Variants in CBLB observed in about 807,000 individuals in gnomAD.
CBLB encodes the protein Cbl proto-oncogene B.
A neutral mutation model predicts 104.9 loss-of-function variants in CBLB; 31 were observed. The observed-to-expected ratio is 0.30, with a 90% CI of 0.22 to 0.40. The LOEUF (loss-of-function observed/expected upper bound fraction) is 0.40, where lower values mean the gene tolerates loss of function less well. Among genes scored for constraint, CBLB ranks in the 10% least tolerant of loss-of-function variants. The pLI, the probability that CBLB is intolerant of heterozygous loss-of-function variation, is 1.00. For synonymous variants in CBLB, 440 were observed against 422.6 expected (o/e 1.04, Z -0.51); for missense variants, 1,062 against 1,214.6 (o/e 0.87, Z 1.87).
At chr3:105,842,451 C>G (rs1487021318) in intron 3 of CBLB, among the ~76,000 whole-genome samples, 1 of 152,170 alleles carries the variant, frequency 6.6e-6, no homozygotes, top group Non-Finnish European at 1.5e-5. Context: ...CTGGCTATCT[C>G]CTTTGACAAT....
chr3:105,746,063 G>C (rs369107649), intron 5 of CBLB, 25 bp from the exon 6 acceptor site: 19 of 1,473,432 alleles, frequency 1.3e-5, no homozygotes, highest in Non-Finnish European at 1.7e-5. Flanking sequence ...AATTAAAAGA[G>C]ATTAGTATCT....
intron 10 of CBLB, among the ~76,000 whole-genome samples, chr3:105,719,562 C>T (rs1018499428): frequency 5.3e-5 from 8 of 152,280 alleles, no homozygotes; most frequent in South Asian, 4.1e-4. Context: ...GCATTACTCA[C>T]GTGTTTGTGT....
intron 4 of CBLB, among the ~76,000 whole-genome samples, chr3:105,759,529 C>A (rs1371689862): frequency 6.6e-6 from 1 of 152,208 alleles, no homozygotes; most frequent in African/African-American, 2.4e-5. Context: ...ACCCTCAGCC[C>A]AACCCCGTCG....
rs115393106 is a variant in CBLB at position 105,717,622 on chromosome 3, C to A, written c.1407+2425G>T. 5.1e-3 allele frequency among the ~76,000 whole-genome samples: 781 copies of A among 152,164 alleles called. 5 individuals carry two copies. The highest frequency in any genetic ancestry group is 0.018 in the African/African-American group (763 of 41,520). On this transcript the variant is annotated intron_variant, in intron 10 of 18. Transcript: ENST00000394030. ...TTCAACAATTTAGGGAGGTATTATT[C>A]TTCTCATTTTTCAGAAGAGGAAATC...
chr3:105,824,175 T>C (rs1265605849), intron 3 of CBLB: 1 of 152,230 alleles, frequency 6.6e-6, no homozygotes, highest in East Asian at 1.9e-4. Flanking sequence ...GTTTATAAGC[T>C]GTCAAATCCA....
chr3:105,760,391 C>A (rs999975699), intron 4 of CBLB, among the ~76,000 whole-genome samples: 2 of 152,134 alleles, frequency 1.3e-5, no homozygotes, highest in African/African-American at 4.8e-5. Context: ...TTGTTCTTTT[C>A]TTTCTAAAGT....
intron 17 of CBLB, among the ~76,000 whole-genome samples, chr3:105,674,215 C>T (rs2065366939): frequency 6.6e-6 from 1 of 152,188 alleles, no homozygotes. Flanking sequence ...GGACTTCACT[C>T]CTCAGATTTG....
chr3:105,841,425 T>C (rs2153097296), intron 3 of CBLB, among the ~76,000 whole-genome samples: 1 of 152,132 alleles, frequency 6.6e-6, no homozygotes, highest in South Asian at 2.1e-4. Context: ...ACATAATTTG[T>C]TATATATATT....
Position 105,681,500 on chromosome 3 carries a change from C to T in CBLB, c.2407G>A (p.Asp803Asn), listed in dbSNP as rs2066310690. 2 of 1,613,964 alleles carry T rather than the reference C, an allele frequency of 1.2e-6. No homozygotes were observed. Among genetic ancestry groups the T allele is most frequent in the Admixed American group, 1.7e-5 (1 of 59,980 alleles). The part of the protein sequence containing the change: ...SSLNRTPSDY[D>N]LLIPPLGEDA... ...CAACCTAATGGAGGGATGAGAAGAT[C>T]ATAATCAGAGGGCGTCCTGTTGAGT... Residue 803 changes from aspartate to asparagine, a missense_variant, in exon 16 of 19, where the codon GAT becomes AAT. By Grantham distance (23) the Asp-to-Asn change is conservative. Coordinates refer to ENST00000394030, the MANE Select transcript of CBLB (RefSeq NM_170662.5).
intron 3 of CBLB, among the ~76,000 whole-genome samples, chr3:105,824,956 T>C (rs2086376829): frequency 1.3e-5 from 2 of 152,060 alleles, no homozygotes; most frequent in African/African-American, 4.8e-5. Context: ...ATCAGAAGAG[T>C]ACCTAGAGCG....
At chr3:105,690,732 G>A (rs1320957574) in intron 13 of CBLB, among the ~76,000 whole-genome samples, 2 of 150,700 alleles carry the variant, frequency 1.3e-5, no homozygotes, top group Non-Finnish European at 1.5e-5. Flanking sequence ...TGAGGCAGGA[G>A]AACCGCTTGA....
At chr3:105,758,886 T>C (rs2077328703) in intron 4 of CBLB, among the ~76,000 whole-genome samples, 1 of 152,220 alleles carries the variant, frequency 6.6e-6, no homozygotes, top group Admixed American at 6.5e-5. Context: ...AGGGAGCCTG[T>C]AGGTGTGGGC....
Position 105,806,479 on chromosome 3 carries a change from C to CAAAAAAA in CBLB, c.420-29944_420-29938dup, listed in dbSNP as rs367966052. Among the ~76,000 whole-genome samples the CAAAAAAA allele has an allele frequency of 2.9e-4, 36 of 125,048 alleles. 1 individual carries two copies. Among genetic ancestry groups the CAAAAAAA allele is most frequent in the Admixed American group, 1.1e-3 (13 of 11,836 alleles). The allele number at this position is 125,048 out of a possible 152,430, so 82.0% of individuals were successfully genotyped here. Reference sequence around the variant, plus strand: ...GGTTTGTGACCTAATACTAAAACCTCAAAAAAAAAAAAAAAACAGAAATTG... The same window carrying CAAAAAAA: ...GGTTTGTGACCTAATACTAAAACCTCAAAAAAAAAAAAAAAAAAAAAAACAGAAATTG... On this transcript the variant is annotated intron_variant, in intron 3 of 18. Transcript: ENST00000394030.
chr3:105,678,583 G>GA lies in CBLB; in HGVS notation c.2429-13dup, dbSNP rs1559787044. The GA allele has an allele frequency of 6.2e-7, 1 of 1,611,426 alleles. No homozygotes were observed. Among genetic ancestry groups the GA allele is most frequent in the African/African-American group, 1.3e-5 (1 of 74,988 alleles). ...AAAAGCATCTTCACCTGCATTTAAA[G>GA]AAAGGTCGATATCAGCAGCAGAACT... On this transcript the variant is annotated splice_polypyrimidine_tract_variant and intron_variant, in intron 16 of 18. Coordinates refer to ENST00000394030, the MANE Select transcript of CBLB (RefSeq NM_170662.5).
intron 3 of CBLB, among the ~76,000 whole-genome samples, chr3:105,816,892 T>TA (rs56317261): frequency 0.11 from 16,338 of 148,562 alleles, 999 homozygotes; most frequent in African/African-American, 0.16. Flanking sequence ...AAGTAATGTT[T>TA]AAAAAAAAAA....
intron 4 of CBLB, among the ~76,000 whole-genome samples, chr3:105,760,227 A>C (rs2077488185): frequency 6.6e-6 from 1 of 152,246 alleles, no homozygotes; most frequent in African/African-American, 2.4e-5. Flanking sequence ...TTTATTTTCC[A>C]ACTTAGAAAA....
At chr3:105,733,944 A>G in intron 9 of CBLB, 65 bp downstream of exon 9, 1 of 1,495,156 alleles carries the variant, frequency 6.7e-7, no homozygotes, top group Non-Finnish European at 9.3e-7. Flanking sequence ...AACCATTAAG[A>G]AAACTGAAAA....
intron 3 of CBLB, among the ~76,000 whole-genome samples, chr3:105,785,268 AACAG>A (rs1432117231): frequency 6.6e-6 from 1 of 152,260 alleles, no homozygotes; most frequent in East Asian, 1.9e-4. Flanking sequence ...TGTGCTAATG[AACAG>A]ACAGATAGGA....
intron 12 of CBLB, among the ~76,000 whole-genome samples, chr3:105,701,750 C>G (rs369462472): frequency 7.5e-6 from 1 of 132,918 alleles, no homozygotes; most frequent in Non-Finnish European, 1.6e-5. Context: ...GGGGCAAGAG[C>G]GAGGCTTCGT....
Sources: gnomAD v4.1 joint callset for allele counts (sites outside exome capture counted in the v4.1 genomes callset) on GRCh38, gnomAD v4.1.1 for gene constraint, MANE v1.5 for transcripts, NCBI Gene and HGNC (gene_info 2026-07-23, HGNC 2026-07-21) for gene names.